RUNX1: variants seen among roughly 807,000 people sequenced by gnomAD.
RUNX1 encodes RUNX family transcription factor 1.
A neutral mutation model predicts 42.8 loss-of-function variants in RUNX1; 19 were observed. The ratio of observed to expected loss-of-function variants is 0.44; its 90% CI spans 0.31 to 0.65. The LOEUF (loss-of-function observed/expected upper bound fraction) is 0.65, where lower values mean the gene tolerates loss of function less well. Ranked by LOEUF, RUNX1 falls within the 30% of genes least tolerant of loss-of-function variation. The pLI, the probability that RUNX1 is intolerant of heterozygous loss-of-function variation, is 0.07. For synonymous variants in RUNX1, 271 were observed against 289.4 expected (o/e 0.94, Z 0.64); for missense variants, 528 against 672.0 (o/e 0.79, Z 2.37).
intron 7 of RUNX1, among the ~76,000 whole-genome samples, chr21:34,812,451 G>A (rs532617277): frequency 1.7e-4 from 26 of 152,004 alleles, no homozygotes; most frequent in Admixed American, 3.9e-4. Context: ...CATCCCTGGT[G>A]CTCTGAACAA....
rs776306850 is a variant in RUNX1 at position 34,886,833 on chromosome 21, G to A, written c.351+10C>T. 6 of 1,612,586 alleles carry A rather than the reference G, an allele frequency of 3.7e-6. No individual in the cohort carries two copies. The East Asian group carries it at 1.1e-4, about 30-fold the overall frequency. ...CGCCTGTCCTCCCACCACCCTCTCC[G>A]GGCCAGTACCTTGAAAGCGATGGGC... On this transcript the variant is annotated intron_variant, in intron 4 of 8. Transcript: ENST00000675419.
At chr21:34,935,659 T>C (rs2058479571) in intron 2 of RUNX1, among the ~76,000 whole-genome samples, 1 of 152,040 alleles carries the variant, frequency 6.6e-6, no homozygotes, top group Non-Finnish European at 1.5e-5. Context: ...GATGAATCAT[T>C]GCTGTGGAGA....
intron 2 of RUNX1, among the ~76,000 whole-genome samples, chr21:35,021,298 A>G (rs1459213495): frequency 1.3e-5 from 2 of 152,234 alleles, no homozygotes; most frequent in African/African-American, 2.4e-5. Flanking sequence ...TCTGCAAAGC[A>G]CCTAGAACAA....
intron 5 of RUNX1, among the ~76,000 whole-genome samples, chr21:34,861,567 C>CA (rs2057576100): frequency 6.6e-6 from 1 of 152,146 alleles, no homozygotes; most frequent in South Asian, 2.1e-4. Context: ...AGGATCTTCT[C>CA]ACTAATAAGA....
rs557918182 is a variant in RUNX1, at chr21:34,820,594, G to A, written c.805+13816C>T. 1.6e-4 allele frequency among the ~76,000 whole-genome samples: 24 copies of A among 151,952 alleles called. 1 individual carries two copies. In the South Asian group the frequency reaches 4.8e-3, roughly 30 times the overall value. ...TGAGGCAGGAGAATCCCCTGAACCC[G>A]GGAGGTAGAGGTTGCAGTGAGCCTG... On this transcript the variant is annotated intron_variant, in intron 7 of 8. Transcript: ENST00000675419.
intron 7 of RUNX1, among the ~76,000 whole-genome samples, chr21:34,813,192 G>A (rs987972877): frequency 1.3e-5 from 2 of 152,058 alleles, no homozygotes; most frequent in African/African-American, 4.8e-5. Context: ...AGTACGTGGA[G>A]GCCAGGAATG....
chr21:35,022,170 C>T (rs781566700), intron 2 of RUNX1, among the ~76,000 whole-genome samples: 6 of 152,164 alleles, frequency 3.9e-5, no homozygotes, highest in African/African-American at 7.2e-5. Context: ...AGCTGATTGG[C>T]GGTTCCGTGG....
intron 2 of RUNX1, among the ~76,000 whole-genome samples, chr21:35,026,429 A>T (rs2059237205): frequency 6.6e-6 from 1 of 152,262 alleles, no homozygotes. Context: ...CTCCAAGAAG[A>T]AAAGCAATCT....
intron 4 of RUNX1, among the ~76,000 whole-genome samples, chr21:34,881,232 C>A (rs987159465): frequency 2.0e-5 from 3 of 152,136 alleles, no homozygotes; most frequent in Non-Finnish European, 4.4e-5. Flanking sequence ...CAGACCTCCA[C>A]TAACAGGCTG....
chr21:34,870,578 C>T (rs938298577), intron 5 of RUNX1, among the ~76,000 whole-genome samples: 2 of 152,140 alleles, frequency 1.3e-5, no homozygotes, highest in African/African-American at 4.8e-5. Flanking sequence ...AATAACTGGC[C>T]CTAAATGTCA....
At chr21:34,986,957 C>T (rs1224488149) in intron 2 of RUNX1, among the ~76,000 whole-genome samples, 1 of 152,198 alleles carries the variant, frequency 6.6e-6, no homozygotes, top group Non-Finnish European at 1.5e-5. Flanking sequence ...CCCAGGAGGC[C>T]ATGTTGTCCC....
At chr21:34,930,714 CTCT>C (rs1162839330) in intron 2 of RUNX1, among the ~76,000 whole-genome samples, 2 of 141,580 alleles carry the variant, frequency 1.4e-5, no homozygotes, top group African/African-American at 6.0e-5. Context: ...CTCTCTCTCT[CTCT>C]CTCACACACA....
At chr21:34,832,385 A>G (rs1386211888) in intron 7 of RUNX1, among the ~76,000 whole-genome samples, 4 of 152,214 alleles carry the variant, frequency 2.6e-5, no homozygotes, top group South Asian at 2.1e-4. Context: ...GAGCAACTCA[A>G]TGGTGACAAT....
At chr21:34,900,995 G>T (rs944282832) in intron 2 of RUNX1, among the ~76,000 whole-genome samples, 3 of 152,174 alleles carry the variant, frequency 2.0e-5, no homozygotes, top group Admixed American at 6.5e-5. Context: ...GTTTCAGTTT[G>T]CTGGCAATCT....
At chr21:34,935,695 T>A (rs149913792) in intron 2 of RUNX1, among the ~76,000 whole-genome samples, 3 of 152,192 alleles carry the variant, frequency 2.0e-5, no homozygotes, top group Non-Finnish European at 4.4e-5. Flanking sequence ...GTAGGATGTT[T>A]TGGCTCATCC....
intron 2 of RUNX1, among the ~76,000 whole-genome samples, chr21:34,934,341 A>C (rs1369716277): frequency 6.6e-6 from 1 of 152,076 alleles, no homozygotes; most frequent in African/African-American, 2.4e-5. Context: ...TGGAGGACTG[A>C]GGCCATGTCA....
At chr21:35,030,223 A>G (rs1601690702) in intron 2 of RUNX1, among the ~76,000 whole-genome samples, 1 of 152,126 alleles carries the variant, frequency 6.6e-6, no homozygotes, top group Admixed American at 6.5e-5. Flanking sequence ...TGCACCTGTA[A>G]TCCCAGCCAC....
At chr21:34,825,310 C>T (rs2056970806) in intron 7 of RUNX1, among the ~76,000 whole-genome samples, 1 of 152,186 alleles carries the variant, frequency 6.6e-6, no homozygotes, top group Admixed American at 6.5e-5. Flanking sequence ...GCACCTGGGC[C>T]TCCTGTTTCC....
intron 2 of RUNX1, among the ~76,000 whole-genome samples, chr21:34,998,685 G>A (rs1273089213): frequency 2.0e-5 from 3 of 151,980 alleles, no homozygotes; most frequent in Non-Finnish European, 1.5e-5. Context: ...GGGACTACAG[G>A]CACCCGCCAC....
Sources: gnomAD v4.1 joint callset for allele counts (sites outside exome capture counted in the v4.1 genomes callset) on GRCh38, gnomAD v4.1.1 for gene constraint, MANE v1.5 for transcripts, NCBI Gene and HGNC (gene_info 2026-07-23, HGNC 2026-07-21) for gene names.